Variants in SMOC1 observed in about 807,000 individuals in gnomAD.
SMOC1 encodes SPARC related modular calcium binding 1.
Under a neutral mutation model 56.3 loss-of-function variants are expected in SMOC1, and 22 were observed. The ratio of observed to expected loss-of-function variants is 0.39; its 90% confidence interval spans 0.28 to 0.56. The LOEUF (loss-of-function observed/expected upper bound fraction) is 0.56. SMOC1 is among the 20% of genes least tolerant of loss of function. The pLI, the probability that SMOC1 is intolerant of heterozygous loss-of-function variation, is 0.61. For synonymous variants in SMOC1, 193 were observed against 215.0 expected (o/e 0.90, Z 0.89); for missense variants, 509 against 565.4 (o/e 0.90, Z 1.01).
chr14:69,895,485 A>G, intron 1 of SMOC1, among the ~76,000 whole-genome samples: 1 of 152,222 alleles, frequency 6.6e-6, no homozygotes, highest in South Asian at 2.1e-4. Context: ...GAAGGTCGAC[A>G]TGATAGTTTC....
rs767616965 is a variant in SMOC1 at position 69,879,701 on chromosome 14, G to C, written c.23G>C (p.Arg8Pro). 1 of 1,579,502 alleles carries C rather than the reference G, an allele frequency of 6.3e-7. No homozygotes were observed. The highest frequency in any genetic ancestry group is 1.4e-5 in the African/African-American group (1 of 73,690). MLPARCA[R>P]LLTPHLLLVL... is the part of the protein sequence containing the mutation. ...ACCATGCTGCCCGCGCGCTGCGCCC[G>C]CCTGCTCACGCCCCACTTGCTGCTG... Residue 8 changes from arginine (R) to proline (P), a missense_variant, in exon 1 of 12, where the codon CGC becomes CCC. Transcript: ENST00000361956.
At chr14:70,016,254 G>A (rs1218489918) in intron 10 of SMOC1, among the ~76,000 whole-genome samples, 1 of 152,256 alleles carries the variant, frequency 6.6e-6, no homozygotes, top group African/African-American at 2.4e-5. Context: ...TTTAATATCA[G>A]TGTGTCCTTA....
chr14:69,992,540 C>T (rs895488149), intron 6 of SMOC1, 67 bp downstream of exon 6: 25 of 1,176,758 alleles, frequency 2.1e-5, no homozygotes, highest in South Asian at 3.7e-5. Flanking sequence ...AAAGTCTTAA[C>T]GTTGGATGTT....
chr14:70,011,458 A>ACCC, intron 8 of SMOC1, 27 bp from the exon 9 acceptor site: 2 of 1,151,792 alleles, frequency 1.7e-6, no homozygotes, highest in East Asian at 2.7e-5. Context: ...GCCCCTCCCA[A>ACCC]CCCCCCCCAT....
chr14:69,905,546 A>G (rs1884384867), intron 1 of SMOC1, among the ~76,000 whole-genome samples: 2 of 152,228 alleles, frequency 1.3e-5, no homozygotes, highest in East Asian at 1.9e-4. Context: ...AAGATCAAGC[A>G]GTGAGTAGTT....
At chr14:69,908,461 G>A (rs1015875883) in intron 1 of SMOC1, among the ~76,000 whole-genome samples, 13 of 152,134 alleles carry the variant, frequency 8.5e-5, no homozygotes, top group African/African-American at 3.1e-4. Context: ...TCACACCCTT[G>A]GATGAGGTCT....
intron 5 of SMOC1, among the ~76,000 whole-genome samples, chr14:69,991,627 A>G (rs1230156496): frequency 6.6e-6 from 1 of 152,184 alleles, no homozygotes; most frequent in Non-Finnish European, 1.5e-5. Context: ...TGCCAACACT[A>G]TTAGAATGAT....
chr14:69,921,368 A>G (rs1322471334), intron 1 of SMOC1, among the ~76,000 whole-genome samples: 3 of 152,172 alleles, frequency 2.0e-5, no homozygotes, highest in African/African-American at 4.8e-5. Context: ...CTGTTAGGAC[A>G]TGAGGCTCAC....
At chr14:69,881,086 A>G (rs770981200) in intron 1 of SMOC1, among the ~76,000 whole-genome samples, 29 of 152,230 alleles carry the variant, frequency 1.9e-4, no homozygotes, top group Admixed American at 1.3e-4. Flanking sequence ...AAAGTGTGGC[A>G]GATTAGATCC....
At chr14:69,953,362 C>A in intron 2 of SMOC1, 58 bp from the exon 3 acceptor site, 1 of 1,529,430 alleles carries the variant, frequency 6.5e-7, no homozygotes, top group Non-Finnish European at 9.1e-7. Context: ...CCATTTTGTC[C>A]CTCGGCCCCA....
chr14:70,018,860 G>A (rs1046599140), intron 10 of SMOC1, among the ~76,000 whole-genome samples: 1 of 152,234 alleles, frequency 6.6e-6, no homozygotes, highest in African/African-American at 2.4e-5. Flanking sequence ...GAATGTGGCT[G>A]ACTTGGCATT....
chr14:69,965,180 C>A (rs2139477106), intron 3 of SMOC1, among the ~76,000 whole-genome samples: 1 of 152,168 alleles, frequency 6.6e-6, no homozygotes, highest in Admixed American at 6.5e-5. Context: ...GAGATCAAGA[C>A]CAGCCTGGCT....
intron 1 of SMOC1, among the ~76,000 whole-genome samples, chr14:69,904,762 C>T (rs1453995070): frequency 2.6e-5 from 4 of 152,190 alleles, no homozygotes; most frequent in Admixed American, 6.5e-5. Flanking sequence ...GTCTGAAACT[C>T]GGTCTCATAG....
rs561184471 is a variant in SMOC1, at chr14:69,945,225, A to G, written c.100-6913A>G. ...AGACACAATCTTTTATAGACGTGTAAATAGATAAATGATAATGCAGTATAT... is the reference window on the plus strand; with the variant it reads ...AGACACAATCTTTTATAGACGTGTAGATAGATAAATGATAATGCAGTATAT... On this transcript the variant is annotated intron_variant, in intron 1 of 11. Coordinates refer to ENST00000361956, the MANE Select transcript of SMOC1 (RefSeq NM_001034852.3). Among the ~76,000 whole-genome samples the G allele has an allele frequency of 1.1e-4, 17 of 152,356 alleles. No homozygotes were observed. In the South Asian group the frequency reaches 3.5e-3, roughly 32 times the overall value.
At chr14:69,997,275 C>T (rs1002848742) in intron 7 of SMOC1, among the ~76,000 whole-genome samples, 12 of 152,218 alleles carry the variant, frequency 7.9e-5, no homozygotes, top group African/African-American at 2.9e-4. Context: ...CTCACACATA[C>T]CTTTTCCAAG....
At chr14:69,979,355 T>G (rs923528961) in intron 5 of SMOC1, among the ~76,000 whole-genome samples, 2 of 152,114 alleles carry the variant, frequency 1.3e-5, no homozygotes, top group Non-Finnish European at 2.9e-5. Flanking sequence ...CAGGGACCAA[T>G]GGGCCAGATG....
At chr14:69,936,380 A>G (rs1885295687) in intron 1 of SMOC1, among the ~76,000 whole-genome samples, 1 of 152,244 alleles carries the variant, frequency 6.6e-6, no homozygotes. Context: ...TTGCCTGGGT[A>G]GACGCTGCCC....
chr14:69,942,440 G>A (rs227395), intron 1 of SMOC1, among the ~76,000 whole-genome samples: 57,595 of 151,958 alleles, frequency 0.38, 11,830 homozygotes, highest in African/African-American at 0.54. Flanking sequence ...TGTAATTTGC[G>A]TGGAGTACAA....
intron 10 of SMOC1, among the ~76,000 whole-genome samples, chr14:70,017,761 G>T (rs1313309818): frequency 2.6e-4 from 40 of 152,186 alleles, no homozygotes; most frequent in Non-Finnish European, 1.5e-5. Context: ...TTTCTGGTCT[G>T]GAAGGGAGAT....
Sources: gnomAD v4.1 joint callset for allele counts (sites outside exome capture counted in the v4.1 genomes callset) on GRCh38, gnomAD v4.1.1 for gene constraint, MANE v1.5 for transcripts, NCBI Gene and HGNC (gene_info 2026-07-23, HGNC 2026-07-21) for gene names.